The following C1QTNF5 variants were observed in gnomAD, a reference collection of about 807,000 sequenced individuals.
C1QTNF5 encodes the protein complement C1q tumor necrosis factor-related protein 5.
C1QTNF5 carries 5 observed loss-of-function variants against 10.9 expected under a neutral mutation model. The observed-to-expected ratio is 0.46, with a 90% CI of 0.24 to 0.97. C1QTNF5 has a LOEUF of 0.97. C1QTNF5 is among the 50% of genes least tolerant of loss of function. The pLI, the probability that C1QTNF5 is intolerant of heterozygous loss-of-function variation, is 0.19. For synonymous variants in C1QTNF5, 161 were observed against 156.5 expected, an observed-to-expected ratio of 1.03 and a Z score of -0.22; for missense variants, 281 against 339.4, an observed-to-expected ratio of 0.83 and a Z score of 1.35.
the C1QTNF5 span, chr11:119,346,655 G>C: frequency 3.6e-6 from 3 of 822,900 alleles, no homozygotes; most frequent in Non-Finnish European, 6.2e-6. Context: ...ACCAGTTCTT[G>C]GGCTGTCCTT....
chr11:119,342,626 TGTC>T, upstream of C1QTNF5: 1 of 1,613,520 alleles, frequency 6.2e-7, no homozygotes. Flanking sequence ...CCGCTGCAGT[TGTC>T]ATCGCTGCCA....
chr11:119,339,734 C>A lies in C1QTNF5; in HGVS notation c.329G>T (p.Arg110Leu), dbSNP rs150126568. The A allele has an allele frequency of 1.4e-5, 23 of 1,598,656 alleles. No homozygotes were observed. Among genetic ancestry groups the A allele is most frequent in the Non-Finnish European group, 1.9e-5 (22 of 1,177,992 alleles). ...VPPRSAFSAK[R>L]SESRVPPPSD... ...CGGCGGAGGCACCCGGCTCTCGGAG[C>A]GCTTGGCGCTGAAGGCGGATCGCGG... Residue 110 changes from arginine (R) to leucine (L), a missense_variant, in exon 3 of 3, where the codon CGC becomes CTC. Arg to Leu is a moderately radical substitution (Grantham distance 102). Transcript: ENST00000528368. The surrounding 1 kb of genome is among the most constrained non-coding windows in gnomAD (Gnocchi z 5.4).
At chr11:119,343,137 C>T, upstream of C1QTNF5, 1 of 1,154,512 alleles carries the variant, frequency 8.7e-7, no homozygotes, top group Non-Finnish European at 1.2e-6. Context: ...GGGTTAGGGT[C>T]TGGCGAGAAA....
chr11:119,346,154 G>T, the C1QTNF5 span: 2 of 1,590,248 alleles, frequency 1.3e-6, no homozygotes, highest in East Asian at 2.3e-5. Context: ...CCTCGAGGAC[G>T]CCGACCTGCG....
At position 119,340,297 on chromosome 11, in the gene C1QTNF5, A is replaced by G. The variant is rs775145170; in HGVS notation, c.101T>C (p.Leu34Pro). ...GCCATGGTGGCCCGGCGTGCCTGGA[A>G]GGCCGGGGTGCCCCGGGCAGAGGCT... ...IPSLCPGHPG[L>P]PGTPGHHGSQ... is the part of the protein sequence containing the mutation. Residue 34 changes from leucine (L) to proline (P), a missense_variant, in exon 2 of 3, where the codon CTT becomes CCT. Physicochemically the swap from Leu to Pro is moderately conservative, Grantham distance 98. Transcript: ENST00000528368. 2 of 1,533,390 alleles carry G rather than the reference A, an allele frequency of 1.3e-6. No individual in the cohort carries two copies. The highest frequency in any genetic ancestry group is 2.4e-5 in the South Asian group (2 of 82,346). The allele number at this position is 1,533,390 out of a possible 1,614,324, so 95.0% of individuals were successfully genotyped here.
upstream of C1QTNF5, chr11:119,342,638 C>T (rs139725672): frequency 5.9e-4 from 956 of 1,613,558 alleles, 1 homozygote; most frequent in Non-Finnish European, 7.6e-4. Context: ...TCATCGCTGC[C>T]ATCGGTGCAG....
chr11:119,344,188 C>T (rs535045133), upstream of C1QTNF5: 234 of 1,027,598 alleles, frequency 2.3e-4, no homozygotes, highest in African/African-American at 1.5e-3. Context: ...CCCCATCCCC[C>T]GTCTGCTTGA....
At chr11:119,344,762 A>T (rs1369370176), upstream of C1QTNF5, 2 of 1,613,830 alleles carry the variant, frequency 1.2e-6, no homozygotes, top group African/African-American at 2.7e-5. Context: ...AGCTCCCTGG[A>T]TGTGGGCACC....
At chr11:119,343,026 C>T, upstream of C1QTNF5, 1 of 1,585,698 alleles carries the variant, frequency 6.3e-7, no homozygotes, top group Non-Finnish European at 8.6e-7. Context: ...GACAGCTGTT[C>T]TGGGCACCAG....
upstream of C1QTNF5, chr11:119,345,496 G>A (rs768642343): frequency 6.2e-7 from 1 of 1,614,034 alleles, no homozygotes; most frequent in Non-Finnish European, 8.5e-7. Context: ...TCTATGCTGA[G>A]GGCTTCGATC....
At position 119,340,702 on chromosome 11, in the gene C1QTNF5, C is replaced by T. The variant is rs1015292535; in HGVS notation, c.-51G>A. Reference sequence around the variant, plus strand: ...CTCCTCCGCCAGACTCACCCCCCCTCCCGGCTCCCCGATGGCCTCCTTCGG... The same window carrying T: ...CTCCTCCGCCAGACTCACCCCCCCTTCCGGCTCCCCGATGGCCTCCTTCGG... On this transcript the variant is annotated 5_prime_UTR_variant, in exon 1 of 3. Coordinates refer to ENST00000528368, the MANE Select transcript of C1QTNF5 (RefSeq NM_001278431.2). The T allele has an allele frequency of 2.6e-5, 11 of 422,580 alleles. No homozygotes were observed. The highest frequency in any genetic ancestry group is 4.3e-5 in the Non-Finnish European group (10 of 234,068). The allele number at this position is 422,580 out of a possible 1,614,324, so 26.2% of individuals were successfully genotyped here.
At chr11:119,342,535 A>C (rs891178548), upstream of C1QTNF5, 5 of 1,601,014 alleles carry the variant, frequency 3.1e-6, no homozygotes, top group African/African-American at 5.4e-5. Flanking sequence ...GCAGTACGGC[A>C]GTAGGGTTCT....
rs1200119969 is a variant in C1QTNF5 at position 119,339,526 on chromosome 11, G to T, written c.537C>A (p.Phe179Leu). ...VKNGESIASF[F>L]QFFGGWPKPA... ...GCTTGGGCCACCCCCCGAAAAACTG[G>T]AAGAAAGAGGCAATGGATTCGCCAT... is the stretch of plus-strand genomic sequence containing the variant. Residue 179 changes from phenylalanine to leucine, a missense_variant, in exon 3 of 3, where the codon TTC becomes TTA. Transcript: ENST00000528368. This position sits in a 1 kb window ranked among gnomAD's most constrained non-coding sequence, Gnocchi z 5.4. 6.2e-7 allele frequency: 1 copy of T among 1,613,686 alleles called. No homozygotes were observed. The highest frequency in any genetic ancestry group is 2.2e-5 in the East Asian group (1 of 44,844).
upstream of C1QTNF5, chr11:119,345,658 A>G: frequency 6.2e-7 from 1 of 1,613,126 alleles, no homozygotes; most frequent in African/African-American, 1.3e-5. Flanking sequence ...GTTAGAGTTC[A>G]GAGGTCAAAA....
upstream of C1QTNF5, among the ~76,000 whole-genome samples, chr11:119,343,160 C>A (rs1158105180): frequency 1.3e-5 from 2 of 152,202 alleles, no homozygotes; most frequent in East Asian, 3.8e-4. Context: ...CACATATATT[C>A]AACAGGGAAA....
At position 119,340,322 on chromosome 11, in the gene C1QTNF5, TG is replaced by T; in HGVS notation, c.75del (p.Ser26AlafsTer105). On this transcript the variant is annotated frameshift_variant, in exon 2 of 3. Transcript: ENST00000528368. LOFTEE classifies it high-confidence loss of function. ...GSPPLDDNKI[P>X]SLCPGHPGLP... is the part of the protein sequence containing the mutation. ...AGGCCGGGGTGCCCCGGGCAGAGGCTGGGGATCTTGTTGTCGTCCAGTGGGG... is the reference window on the plus strand; with the variant it reads ...AGGCCGGGGTGCCCCGGGCAGAGGCTGGGATCTTGTTGTCGTCCAGTGGGG... The T allele has an allele frequency of 6.5e-7, 1 of 1,542,662 alleles. No individual in the cohort carries two copies.
upstream of C1QTNF5, chr11:119,342,470 G>A (rs1950511727): frequency 7.9e-7 from 1 of 1,271,202 alleles, no homozygotes; most frequent in South Asian, 1.4e-5. Flanking sequence ...CCCAGAGTCA[G>A]GATGGTGAGG....
At chr11:119,341,737 C>T (rs1950504757), upstream of C1QTNF5, 1 of 1,613,360 alleles carries the variant, frequency 6.2e-7, no homozygotes, top group African/African-American at 1.3e-5. Context: ...ACAGGAGCCT[C>T]CGGAAATGCT....
upstream of C1QTNF5, chr11:119,341,817 C>A (rs1439608095): frequency 1.2e-6 from 2 of 1,612,008 alleles, no homozygotes; most frequent in Non-Finnish European, 1.7e-6. Flanking sequence ...CCAGGCTCCT[C>A]CCCTCCCAGG....
Sources: allele counts gnomAD v4.1 joint callset (sites outside exome capture counted in the v4.1 genomes callset), GRCh38; gene constraint gnomAD v4.1.1; non-coding constraint Gnocchi (gnomAD v3.1); transcripts MANE v1.5; gene names NCBI Gene and HGNC (gene_info 2026-07-23, HGNC 2026-07-21).